IMMP2L: variants seen among roughly 807,000 people sequenced by gnomAD.
IMMP2L encodes inner mitochondrial membrane peptidase subunit 2.
IMMP2L carries 18 observed loss-of-function variants against 19.3 expected under a neutral mutation model. The ratio of observed to expected loss-of-function variants is 0.93; its 90% CI spans 0.64 to 1.38. The LOEUF is 1.38. IMMP2L is among the 40% of genes most tolerant of loss of function. IMMP2L has a pLI of 0.00. For missense variants in IMMP2L, 233 were observed against 218.2 expected (o/e 1.07, Z -0.43); for synonymous variants, 76 against 73.0 (o/e 1.04, Z -0.21).
intron 5 of IMMP2L, among the ~76,000 whole-genome samples, chr7:110,805,668 C>T (rs1449447984): frequency 6.6e-6 from 1 of 151,858 alleles, no homozygotes; most frequent in Admixed American, 6.6e-5. Flanking sequence ...AACTCTCAGG[C>T]CTATTAAGAA....
chr7:110,900,875 C>T (rs144489612), intron 4 of IMMP2L, among the ~76,000 whole-genome samples: 1 of 152,080 alleles, frequency 6.6e-6, no homozygotes, highest in African/African-American at 2.4e-5. Flanking sequence ...GAATTACTGT[C>T]TTATACCATC....
intron 3 of IMMP2L, among the ~76,000 whole-genome samples, chr7:111,086,109 CT>C (rs1405019398): frequency 6.6e-6 from 1 of 151,908 alleles, no homozygotes; most frequent in Non-Finnish European, 1.5e-5. Flanking sequence ...ACATATACCC[CT>C]GAACTTAAAA....
rs769370648 is a variant in IMMP2L at position 111,123,451 on chromosome 7, A to G, written c.240-159886T>C. On this transcript the variant is annotated intron_variant, in intron 3 of 5. Coordinates refer to ENST00000405709, the MANE Select transcript of IMMP2L (RefSeq NM_032549.4). The surrounding 1 kb of genome is among the most constrained non-coding windows in gnomAD (Gnocchi z 6.4). ...TATAGCTGGTATAAACCTCACAGAA[A>G]TACCAGATAACGCCTTGGTTGGACT... is the stretch of plus-strand genomic sequence containing the variant. 3.1e-6 allele frequency: 5 copies of G among 1,613,496 alleles called. No homozygotes were observed. In the Admixed American group the frequency reaches 5.0e-5, roughly 16 times the overall value.
At chr7:111,495,553 C>T (rs1182350684) in intron 2 of IMMP2L, among the ~76,000 whole-genome samples, 3 of 152,046 alleles carry the variant, frequency 2.0e-5, no homozygotes, top group African/African-American at 7.2e-5. Flanking sequence ...TATCCTAAAT[C>T]CTCAGCTTGT....
intron 5 of IMMP2L, among the ~76,000 whole-genome samples, chr7:110,762,064 C>G (rs1234328814): frequency 6.6e-6 from 1 of 152,082 alleles, no homozygotes; most frequent in Admixed American, 6.6e-5. Flanking sequence ...CCTTCCTTTC[C>G]AAAGAATCAC....
chr7:110,756,479 T>C (rs562817863), intron 5 of IMMP2L, among the ~76,000 whole-genome samples: 1 of 152,216 alleles, frequency 6.6e-6, no homozygotes, highest in Non-Finnish European at 1.5e-5. Context: ...GAAATAGTGT[T>C]TGTGCCTCAG....
At chr7:110,954,447 A>C (rs1420913873) in intron 4 of IMMP2L, among the ~76,000 whole-genome samples, 1 of 152,140 alleles carries the variant, frequency 6.6e-6, no homozygotes, top group Non-Finnish European at 1.5e-5. Context: ...ACACACAGGA[A>C]ATATTCAAGG....
intron 3 of IMMP2L, among the ~76,000 whole-genome samples, chr7:111,220,083 A>G (rs2129620357): frequency 6.6e-6 from 1 of 152,126 alleles, no homozygotes; most frequent in African/African-American, 2.4e-5. Context: ...TGCAAAAGTA[A>G]TTGCAATGTT....
intron 3 of IMMP2L, among the ~76,000 whole-genome samples, chr7:111,267,264 A>G (rs1171313163): frequency 6.6e-6 from 1 of 152,188 alleles, no homozygotes; most frequent in Non-Finnish European, 1.5e-5. Flanking sequence ...GAGGCATTAA[A>G]AAAACATAGT....
At chr7:110,879,970 G>C (rs1241328486) in intron 5 of IMMP2L, among the ~76,000 whole-genome samples, 1 of 152,074 alleles carries the variant, frequency 6.6e-6, no homozygotes, top group African/African-American at 2.4e-5. Flanking sequence ...AAAATCATTA[G>C]TGACAGAAAT....
chr7:110,916,141 A>G (rs1813592687), intron 4 of IMMP2L, among the ~76,000 whole-genome samples: 1 of 152,212 alleles, frequency 6.6e-6, no homozygotes, highest in South Asian at 2.1e-4. Flanking sequence ...AGAATTAAAA[A>G]TCATTGCTTC....
chr7:111,242,122 G>A (rs1176052313), intron 3 of IMMP2L, among the ~76,000 whole-genome samples: 1 of 151,922 alleles, frequency 6.6e-6, no homozygotes, highest in Admixed American at 6.6e-5. Flanking sequence ...TCAGAAAATA[G>A]AATATTAGTT....
At chr7:110,699,951 A>T (rs1038952503) in intron 5 of IMMP2L, among the ~76,000 whole-genome samples, 1 of 152,158 alleles carries the variant, frequency 6.6e-6, no homozygotes, top group Non-Finnish European at 1.5e-5. Context: ...GACTGTAAAA[A>T]GCCAGGGCCC....
chr7:111,551,565 G>A (rs1849466856), intron 1 of IMMP2L, among the ~76,000 whole-genome samples: 1 of 151,344 alleles, frequency 6.6e-6, no homozygotes, highest in Non-Finnish European at 1.5e-5. Flanking sequence ...CGGTGAGGAA[G>A]CCAGGCTAAG....
intron 3 of IMMP2L, among the ~76,000 whole-genome samples, chr7:111,140,572 G>A (rs1286769593): frequency 1.3e-5 from 2 of 152,178 alleles, no homozygotes; most frequent in Non-Finnish European, 2.9e-5. Flanking sequence ...CGTAAGACAT[G>A]AGAAAGCTAA....
chr7:110,788,512 C>T (rs1281604358), intron 5 of IMMP2L, among the ~76,000 whole-genome samples: 1 of 151,604 alleles, frequency 6.6e-6, no homozygotes, highest in Non-Finnish European at 1.5e-5. Flanking sequence ...GTCCTTGGAC[C>T]TTCTTTTCTT....
chr7:110,877,246 T>C lies in IMMP2L; in HGVS notation c.408+9347A>G, dbSNP rs1271850401. On this transcript the variant is annotated intron_variant, in intron 5 of 5. Coordinates refer to ENST00000405709, the MANE Select transcript of IMMP2L (RefSeq NM_032549.4). The surrounding 1 kb of genome is among the most constrained non-coding windows in gnomAD (Gnocchi z 4.0). The stretch of plus-strand genomic sequence containing the variant: ...CAGAAATTGGCCATTAGCTGTGTCA[T>C]GAAACAGCTGTTAAACTCTGTTCCC... Among the ~76,000 whole-genome samples the C allele has an allele frequency of 6.6e-6, 1 of 152,170 alleles. No individual in the cohort carries two copies. The highest frequency in any genetic ancestry group is 2.4e-5 in the African/African-American group (1 of 41,474).
intron 5 of IMMP2L, among the ~76,000 whole-genome samples, chr7:110,737,850 G>T (rs1294388889): frequency 1.3e-5 from 2 of 152,176 alleles, no homozygotes; most frequent in African/African-American, 2.4e-5. Flanking sequence ...GGTATCCACA[G>T]CTGCAAGACC....
chr7:111,334,601 T>C (rs975731998), intron 3 of IMMP2L, among the ~76,000 whole-genome samples: 1 of 152,048 alleles, frequency 6.6e-6, no homozygotes, highest in Non-Finnish European at 1.5e-5. Flanking sequence ...TTCAGGGTAA[T>C]AAGCTAATTT....
Sources: allele counts gnomAD v4.1 joint callset (sites outside exome capture counted in the v4.1 genomes callset), GRCh38; gene constraint gnomAD v4.1.1; non-coding constraint Gnocchi (gnomAD v3.1); transcripts MANE v1.5; gene names NCBI Gene and HGNC (gene_info 2026-07-23, HGNC 2026-07-21).